PRDM6: variants seen among roughly 807,000 people sequenced by gnomAD.
PRDM6 encodes the protein PR/SET domain 6.
In PRDM6, 25 loss-of-function variants were observed where a neutral mutation model predicts 60.8. The ratio of observed to expected loss-of-function variants is 0.41; its 90% confidence interval spans 0.30 to 0.57. The LOEUF (loss-of-function observed/expected upper bound fraction) is 0.57, where lower values mean the gene tolerates loss of function less well. PRDM6 is among the 20% of genes least tolerant of loss of function. The probability of loss-of-function intolerance (pLI) is 0.27; values close to 1 mark genes in which losing one functional copy is unlikely to be tolerated. For synonymous variants in PRDM6, 407 were observed against 357.4 expected (o/e 1.14, Z -1.57); for missense variants, 839 against 821.3 (o/e 1.02, Z -0.26).
At chr5:123,147,278 A>AG (rs200322702) in intron 3 of PRDM6, among the ~76,000 whole-genome samples, 7,364 of 118,746 alleles carry the variant, frequency 0.062, 309 homozygotes, top group African/African-American at 0.13. Context: ...CTGATACTAA[A>AG]AAGAGAGAGA....
At chr5:123,173,864 C>G (rs1488364952) in intron 6 of PRDM6, among the ~76,000 whole-genome samples, 2 of 152,122 alleles carry the variant, frequency 1.3e-5, no homozygotes, top group Non-Finnish European at 2.9e-5. Flanking sequence ...TCTGTTTGTA[C>G]CAGAAAGTTT....
chr5:123,114,013 A>C (rs1303930350), intron 3 of PRDM6, among the ~76,000 whole-genome samples: 1 of 152,256 alleles, frequency 6.6e-6, no homozygotes, highest in East Asian at 1.9e-4. Flanking sequence ...GTAAAGTAGT[A>C]GAGGATCATG....
In PRDM6 at chr5:123,130,169, CCCCTCCCCTT is replaced by C. The variant is rs1202440572; in HGVS notation, c.901-25710_901-25701del. ...CCCCTTCCCTCCCCTCCCCTCCCCTCCCCTCCCCTTCCCTTCCCTTCCCTTCCTCTCCCCT... is the reference window on the plus strand; with the variant it reads ...CCCCTTCCCTCCCCTCCCCTCCCCTCCCCTTCCCTTCCCTTCCTCTCCCCT... On this transcript the variant is annotated intron_variant, in intron 3 of 7. Coordinates refer to ENST00000407847, the MANE Select transcript of PRDM6 (RefSeq NM_001136239.4). Among the ~76,000 whole-genome samples the C allele has an allele frequency of 7.7e-3, 305 of 39,750 alleles. 30 individuals carry two copies. Among genetic ancestry groups the C allele is most frequent in the African/African-American group, 0.036 (253 of 7,070 alleles). The allele number at this position is 39,750 out of a possible 152,430, so 26.1% of individuals were successfully genotyped here.
At chr5:123,109,630 A>T (rs1764264333) in intron 3 of PRDM6, among the ~76,000 whole-genome samples, 1 of 152,240 alleles carries the variant, frequency 6.6e-6, no homozygotes, top group South Asian at 2.1e-4. Flanking sequence ...ATACCATGCA[A>T]CATGGATGTT....
intron 3 of PRDM6, among the ~76,000 whole-genome samples, chr5:123,142,304 C>A (rs574970618): frequency 6.6e-4 from 44 of 67,072 alleles, no homozygotes; most frequent in Non-Finnish European, 1.1e-3. Flanking sequence ...ATTTAAAGCC[C>A]ATGCAATGGA....
intron 3 of PRDM6, among the ~76,000 whole-genome samples, chr5:123,137,990 A>G (rs1161885531): frequency 6.7e-6 from 1 of 149,774 alleles, no homozygotes; most frequent in African/African-American, 2.5e-5. Flanking sequence ...ACGAATGCTG[A>G]TGCTGAAGTA....
intron 3 of PRDM6, among the ~76,000 whole-genome samples, chr5:123,126,744 A>G (rs1233279365): frequency 2.6e-5 from 4 of 152,248 alleles, no homozygotes; most frequent in Non-Finnish European, 5.9e-5. Context: ...TTCCTAGCCA[A>G]TAACAAGAAT....
Position 123,171,069 on chromosome 5 carries a change from T to A in PRDM6, c.1457T>A (p.Ile486Asn). 2 of 1,551,552 alleles carry A rather than the reference T, an allele frequency of 1.3e-6. No homozygotes were observed. Among genetic ancestry groups the A allele is most frequent in the Non-Finnish European group, 1.7e-6 (2 of 1,146,658 alleles). The part of the protein sequence containing the change: ...GQCFKTFTQR[I>N]LLQMHVCTQN... ...TGCTTTAAGACTTTCACCCAGCGGATCCTCTTACAGATGCACGTGTGCACG... is the reference window on the plus strand; with the variant it reads ...TGCTTTAAGACTTTCACCCAGCGGAACCTCTTACAGATGCACGTGTGCACG... Residue 486 changes from isoleucine to asparagine, a missense_variant, in exon 6 of 8, where the codon ATC becomes AAC. Ile to Asn is a moderately radical substitution (Grantham distance 149, BLOSUM62 -3). Coordinates refer to ENST00000407847, the MANE Select transcript of PRDM6 (RefSeq NM_001136239.4).
At chr5:123,166,421 T>C (rs1554090210) in intron 5 of PRDM6, among the ~76,000 whole-genome samples, 1 of 151,886 alleles carries the variant, frequency 6.6e-6, no homozygotes, top group Non-Finnish European at 1.5e-5. Flanking sequence ...CTTAACTGTA[T>C]TTTGTCAATT....
chr5:123,095,499 C>T (rs1221098677), intron 2 of PRDM6, among the ~76,000 whole-genome samples: 2 of 152,268 alleles, frequency 1.3e-5, no homozygotes, highest in Non-Finnish European at 2.9e-5. Flanking sequence ...CCAGCCCCCA[C>T]GCCCCTCCCC....
At chr5:123,146,356 C>A (rs1262234398) in intron 3 of PRDM6, among the ~76,000 whole-genome samples, 2 of 152,180 alleles carry the variant, frequency 1.3e-5, no homozygotes, top group Non-Finnish European at 1.5e-5. Context: ...GCAGTGTGAG[C>A]ATTAACTTAA....
intron 3 of PRDM6, among the ~76,000 whole-genome samples, chr5:123,123,342 GA>G (rs1348996910): frequency 6.6e-6 from 1 of 152,102 alleles, no homozygotes; most frequent in Non-Finnish European, 1.5e-5. Context: ...ACACCTTTTG[GA>G]GGTCTGGGAA....
intron 6 of PRDM6, among the ~76,000 whole-genome samples, chr5:123,174,157 A>G (rs1177347711): frequency 6.6e-6 from 1 of 152,188 alleles, no homozygotes; most frequent in Non-Finnish European, 1.5e-5. Flanking sequence ...TGAAAATCTG[A>G]AATCTGAAAT....
In PRDM6 at chr5:123,100,019, G is replaced by A. The variant is rs191747400; in HGVS notation, c.900+58G>A. 3,389 of 1,432,060 alleles carry A rather than the reference G, an allele frequency of 2.4e-3. 8 individuals are homozygous for A. Among genetic ancestry groups the A allele is most frequent in the Middle Eastern group, 3.5e-3 (18 of 5,194 alleles). The allele number at this position is 1,432,060 out of a possible 1,614,324, so 88.7% of individuals were successfully genotyped here. ...GAGCAGGAGCCTTGGCCAGCAGGGA[G>A]CCTTGGCCGGCAGGGAGCCTGGCCT... On this transcript the variant is annotated intron_variant, in intron 3 of 7. Transcript: ENST00000407847.
At chr5:123,157,433 A>C in intron 4 of PRDM6, among the ~76,000 whole-genome samples, 1 of 152,120 alleles carries the variant, frequency 6.6e-6, no homozygotes, top group East Asian at 1.9e-4. Context: ...ATAGAGGCAA[A>C]TTCTGAATTT....
chr5:123,108,215 A>G, intron 3 of PRDM6, among the ~76,000 whole-genome samples: 1 of 152,218 alleles, frequency 6.6e-6, no homozygotes, highest in East Asian at 1.9e-4. Context: ...AAGCTGCCTC[A>G]GATAATGAAG....
intron 7 of PRDM6, among the ~76,000 whole-genome samples, chr5:123,181,346 G>A (rs960341380): frequency 6.6e-6 from 1 of 152,194 alleles, no homozygotes; most frequent in Admixed American, 6.5e-5. Context: ...CAGAAATGGA[G>A]TAATCAATGC....
chr5:123,161,109 A>T (rs568346513), intron 5 of PRDM6, among the ~76,000 whole-genome samples: 1 of 152,366 alleles, frequency 6.6e-6, no homozygotes, highest in East Asian at 1.9e-4. Flanking sequence ...AAAGGATTCT[A>T]GAAATCTCAC....
Position 123,099,514 on chromosome 5 carries a change from C to T in PRDM6, c.593-140C>T. 1.3e-6 allele frequency: 1 copy of T among 742,434 alleles called. No homozygotes were observed. The highest frequency in any genetic ancestry group is 2.1e-6 in the Non-Finnish European group (1 of 486,138). 46.0% of individuals were successfully genotyped at this position (742,434 alleles called of 1,614,324 possible). A position where few individuals can be genotyped will look rare whatever the true frequency, so the allele number is the denominator to read the frequency against. ...TCCTCCTCTGAGTTGCTTCGGTGCC[C>T]CCAAGGCATCACCTTCCTCGAAGGT... On this transcript the variant is annotated intron_variant, in intron 2 of 7. Coordinates refer to ENST00000407847, the MANE Select transcript of PRDM6 (RefSeq NM_001136239.4). The surrounding 1 kb of genome is among the most constrained non-coding windows in gnomAD (Gnocchi z 4.0).
Sources: gnomAD v4.1 joint callset for allele counts (sites outside exome capture counted in the v4.1 genomes callset) on GRCh38, gnomAD v4.1.1 for gene constraint, Gnocchi (gnomAD v3.1) non-coding constraint, MANE v1.5 for transcripts, NCBI Gene and HGNC (gene_info 2026-07-23, HGNC 2026-07-21) for gene names.